Variants in ERLEC1 observed in about 807,000 individuals in gnomAD.
ERLEC1 encodes the protein endoplasmic reticulum lectin 1, also known as ER lectin.
Under a neutral mutation model 68.0 loss-of-function variants are expected in ERLEC1, and 47 were observed. The observed-to-expected ratio is 0.69, with a 90% CI of 0.55 to 0.88. ERLEC1 has a LOEUF of 0.88. ERLEC1 is among the 40% of genes least tolerant of loss of function. ERLEC1 has a pLI of 0.00. For synonymous variants in ERLEC1, 225 were observed against 203.2 expected, an observed-to-expected ratio of 1.11 and a Z score of -0.91; for missense variants, 567 against 583.8, an observed-to-expected ratio of 0.97 and a Z score of 0.30.
At chr2:53,798,911 G>A (rs1398200327) in intron 5 of ERLEC1, 136 bp from the exon 6 acceptor site, 1 of 552,554 alleles carries the variant, frequency 1.8e-6, no homozygotes, top group Non-Finnish European at 3.1e-6. Flanking sequence ...TAGCTTTAAA[G>A]TAGTAAGATA....
intron 13 of ERLEC1, among the ~76,000 whole-genome samples, chr2:53,815,915 C>T (rs1449575715): frequency 1.3e-5 from 2 of 152,182 alleles, no homozygotes; most frequent in Admixed American, 6.5e-5. Context: ...CACATCTTAA[C>T]AGAGGTCTGG....
chr2:53,792,193 C>T (rs112811779), intron 1 of ERLEC1, among the ~76,000 whole-genome samples: 2,260 of 150,332 alleles, frequency 0.015, 48 homozygotes, highest in African/African-American at 0.051. Flanking sequence ...CTGGGATTAC[C>T]GGCGTGAGCC....
At chr2:53,808,545 G>T (rs1676422745) in intron 9 of ERLEC1, 85 bp downstream of exon 9, 3 of 1,359,598 alleles carry the variant, frequency 2.2e-6, no homozygotes, top group Non-Finnish European at 3.0e-6. Context: ...GCACTGAAAA[G>T]AATTTTTCTC....
chr2:53,798,698 T>A (rs1289460613), intron 5 of ERLEC1, among the ~76,000 whole-genome samples: 1 of 151,702 alleles, frequency 6.6e-6, no homozygotes, highest in Non-Finnish European at 1.5e-5. Context: ...AGTTATTATA[T>A]GTAGAAATAG....
At chr2:53,808,943 C>G (rs566965702) in intron 9 of ERLEC1, among the ~76,000 whole-genome samples, 36 of 152,258 alleles carry the variant, frequency 2.4e-4, no homozygotes, top group African/African-American at 8.2e-4. Context: ...TCTCCCTTTA[C>G]AAAGTTAAAA....
rs1038041506 is a variant in ERLEC1 at position 53,796,114 on chromosome 2, T to C, written c.348+101T>C. 1.3e-5 allele frequency: 10 copies of C among 793,316 alleles called. No homozygotes were observed. In the African/African-American group the frequency reaches 1.6e-4, roughly 13 times the overall value. 49.1% of individuals were successfully genotyped at this position (793,316 alleles called of 1,614,324 possible). A position where few individuals can be genotyped will look rare whatever the true frequency, so the allele number is the denominator to read the frequency against. On this transcript the variant is annotated intron_variant, in intron 3 of 13. Transcript: ENST00000185150. ...TTCTTTATTATGTTGTGTCAGGTTT[T>C]TTTTTTTAACTATTATTTTAGGTTT...
At chr2:53,802,978 G>C (rs556580410) in intron 8 of ERLEC1, among the ~76,000 whole-genome samples, 2 of 152,224 alleles carry the variant, frequency 1.3e-5, no homozygotes, top group East Asian at 3.9e-4. Context: ...TTCTACTTAG[G>C]CTTGAAGATG....
rs767121304 is a variant in ERLEC1 at position 53,818,296 on chromosome 2, A to C, written c.*327A>C. On this transcript the variant is annotated 3_prime_UTR_variant, in exon 14 of 14. Coordinates refer to ENST00000185150, the MANE Select transcript of ERLEC1 (RefSeq NM_015701.5). ...AATGTCATAATTGTTGTACCTATTG[A>C]AAGTTTTTAAATAATAGATTTATTA... 4.7e-4 allele frequency: 83 copies of C among 174,952 alleles called. No homozygotes were observed. Among genetic ancestry groups the C allele is most frequent in the Non-Finnish European group, 8.0e-4 (66 of 82,010 alleles). 10.8% of individuals were successfully genotyped at this position (174,952 alleles called of 1,614,324 possible). A position where few individuals can be genotyped will look rare whatever the true frequency, so the allele number is the denominator to read the frequency against.
chr2:53,811,577 A>G (rs935494836), intron 10 of ERLEC1, among the ~76,000 whole-genome samples: 8 of 152,232 alleles, frequency 5.3e-5, no homozygotes, highest in African/African-American at 1.9e-4. Context: ...TGCTTACTGT[A>G]TGCTAGGCAC....
At chr2:53,814,791 A>C in intron 12 of ERLEC1, 69 bp from the exon 13 acceptor site, 1 of 1,230,774 alleles carries the variant, frequency 8.1e-7, no homozygotes, top group Non-Finnish European at 1.2e-6. Context: ...GATTTTTAAG[A>C]GTACAGTTAT....
chr2:53,790,408 C>G (rs772021330), intron 1 of ERLEC1, among the ~76,000 whole-genome samples: 7 of 151,662 alleles, frequency 4.6e-5, no homozygotes, highest in Non-Finnish European at 7.4e-5. Context: ...GCGGGTTGGA[C>G]ATTTGTATCT....
intron 8 of ERLEC1, among the ~76,000 whole-genome samples, chr2:53,804,088 A>C (rs1424304358): frequency 1.3e-5 from 2 of 152,218 alleles, no homozygotes; most frequent in Non-Finnish European, 2.9e-5. Flanking sequence ...CCAAGATTGC[A>C]CCACTGCACT....
rs533125197 is a variant in ERLEC1, at chr2:53,797,039, G to A, written c.349-476G>A. On this transcript the variant is annotated intron_variant, in intron 3 of 13. Coordinates refer to ENST00000185150, the MANE Select transcript of ERLEC1 (RefSeq NM_015701.5). ...CCCAAGTAGCTAGGGTTACACACACGCGCTACCACATCCCGCTAATTTTTT... is the reference window on the plus strand; with the variant it reads ...CCCAAGTAGCTAGGGTTACACACACACGCTACCACATCCCGCTAATTTTTT... Among the ~76,000 whole-genome samples, 5 of 151,882 alleles carry A rather than the reference G, an allele frequency of 3.3e-5. No individual in the cohort carries two copies. The South Asian group carries it at 8.3e-4, about 25-fold the overall frequency.
chr2:53,803,227 T>C (rs565466936), intron 8 of ERLEC1, among the ~76,000 whole-genome samples: 1 of 152,218 alleles, frequency 6.6e-6, no homozygotes, highest in Non-Finnish European at 1.5e-5. Context: ...TGCAAAAATA[T>C]TACTGGACTC....
At position 53,813,011 on chromosome 2, in the gene ERLEC1, A is replaced by G. The variant is rs1676673696; in HGVS notation, c.1164A>G (p.Glu388=). 2 of 1,613,828 alleles carry G rather than the reference A, an allele frequency of 1.2e-6. No homozygotes were observed. The highest frequency in any genetic ancestry group is 1.1e-5 in the South Asian group (1 of 91,014). Residue 388 remains glutamate, a synonymous_variant, in exon 11 of 14, where the codon GAA becomes GAG. Coordinates refer to ENST00000185150, the MANE Select transcript of ERLEC1 (RefSeq NM_015701.5). ...VGTWNQEEHI[E]WAKKNTARAY... ...CATGGAACCAAGAAGAGCATATTGAATGGGCTAAGAAGAATACTGCTAGAG... is the reference window on the plus strand; with the variant it reads ...CATGGAACCAAGAAGAGCATATTGAGTGGGCTAAGAAGAATACTGCTAGAG...
At chr2:53,796,668 T>C (rs1341206659) in intron 3 of ERLEC1, among the ~76,000 whole-genome samples, 1 of 151,940 alleles carries the variant, frequency 6.6e-6, no homozygotes, top group Non-Finnish European at 1.5e-5. Context: ...CAGACTAGTC[T>C]CAGACTCCTG....
rs142670535 is a variant in ERLEC1 at position 53,813,019 on chromosome 2, A to G, written c.1172A>G (p.Lys391Arg). 1 of 1,613,946 alleles carries G rather than the reference A, an allele frequency of 6.2e-7. No individual in the cohort carries two copies. Among genetic ancestry groups the G allele is most frequent in the Admixed American group, 1.7e-5 (1 of 59,940 alleles). The change falls in exon 11 of 14, where the codon AAG becomes AGG. Residue 391 changes from lysine to arginine, a missense_variant. Lys to Arg is a conservative substitution (Grantham distance 26). Coordinates refer to ENST00000185150, the MANE Select transcript of ERLEC1 (RefSeq NM_015701.5). ...CAAGAAGAGCATATTGAATGGGCTA[A>G]GAAGAATACTGCTAGAGCTTATCAT... is the stretch of plus-strand genomic sequence containing the variant. The part of the protein sequence containing the change: ...WNQEEHIEWA[K>R]KNTARAYHLQ...
chr2:53,810,761 G>C (rs1676551027), intron 10 of ERLEC1, among the ~76,000 whole-genome samples: 1 of 152,020 alleles, frequency 6.6e-6, no homozygotes, highest in African/African-American at 2.4e-5. Context: ...CGGTTTTTTT[G>C]TTTTGTTTTG....
intron 1 of ERLEC1, among the ~76,000 whole-genome samples, chr2:53,788,182 G>A (rs993854372): frequency 1.3e-5 from 2 of 151,946 alleles, no homozygotes; most frequent in African/African-American, 4.8e-5. Flanking sequence ...TTGAAGTCCC[G>A]GAAAAAGCAA....
Sources: gnomAD v4.1 joint callset for allele counts (sites outside exome capture counted in the v4.1 genomes callset) on GRCh38, gnomAD v4.1.1 for gene constraint, MANE v1.5 for transcripts, NCBI Gene and HGNC (gene_info 2026-07-23, HGNC 2026-07-21) for gene names.